Variants in CACNB2 observed in about 807,000 individuals in gnomAD.
The protein encoded by CACNB2 is calcium voltage-gated channel auxiliary subunit beta 2, also known as voltage-dependent L-type calcium channel subunit beta-2.
In CACNB2, 42 loss-of-function variants were observed where a neutral mutation model predicts 73.3. The ratio of observed to expected loss-of-function variants is 0.57; its 90% CI spans 0.45 to 0.74. The LOEUF (loss-of-function observed/expected upper bound fraction) is 0.74, where lower values mean the gene tolerates loss of function less well. CACNB2 is among the 30% of genes least tolerant of loss of function. The pLI, the probability that CACNB2 is intolerant of heterozygous loss-of-function variation, is 0.00. For synonymous variants in CACNB2, 348 were observed against 310.3 expected, an observed-to-expected ratio of 1.12 and a Z score of -1.28; for missense variants, 940 against 853.0, an observed-to-expected ratio of 1.10 and a Z score of -1.27.
intron 3 of CACNB2, among the ~76,000 whole-genome samples, chr10:18,455,928 T>G (rs1420086636): frequency 6.6e-6 from 1 of 152,248 alleles, no homozygotes; most frequent in Non-Finnish European, 1.5e-5. Flanking sequence ...GGATGCTCAC[T>G]GAGGGTGACA....
At chr10:18,258,454 A>G (rs1023274252) in intron 2 of CACNB2, among the ~76,000 whole-genome samples, 2 of 152,148 alleles carry the variant, frequency 1.3e-5, no homozygotes, top group Non-Finnish European at 2.9e-5. Context: ...GAGGCCGGGC[A>G]CGGTGGCTCA....
chr10:18,458,351 A>G (rs2047389337), intron 3 of CACNB2, among the ~76,000 whole-genome samples: 2 of 152,340 alleles, frequency 1.3e-5, no homozygotes, highest in South Asian at 4.1e-4. Context: ...TTCATGTTTT[A>G]CTATTAATTT....
chr10:18,263,615 T>G (rs1333968421), intron 2 of CACNB2, among the ~76,000 whole-genome samples: 1 of 152,226 alleles, frequency 6.6e-6, no homozygotes, highest in Non-Finnish European at 1.5e-5. Context: ...ATGACAGCTT[T>G]CTTAAGAATT....
intron 2 of CACNB2, among the ~76,000 whole-genome samples, chr10:18,348,164 C>G (rs2041547201): frequency 6.6e-6 from 1 of 152,046 alleles, no homozygotes; most frequent in South Asian, 2.1e-4. Flanking sequence ...GATAACATAA[C>G]AAGATAAAAA....
chr10:18,315,496 A>T (rs1382555288), intron 2 of CACNB2, among the ~76,000 whole-genome samples: 3 of 62,864 alleles, frequency 4.8e-5, no homozygotes, highest in African/African-American at 2.1e-4. Flanking sequence ...CCTTGTCTCT[A>T]TTTAAAAAAA....
At chr10:18,152,726 AAAAAAAC>A (rs1173594143) in intron 2 of CACNB2, among the ~76,000 whole-genome samples, 15 of 119,100 alleles carry the variant, frequency 1.3e-4, no homozygotes, top group Admixed American at 2.4e-4. Flanking sequence ...AAAAAAAAAA[AAAAAAAC>A]AAAAAACAAA....
intron 3 of CACNB2, among the ~76,000 whole-genome samples, chr10:18,451,916 A>G (rs964974874): frequency 3.9e-5 from 6 of 152,160 alleles, no homozygotes; most frequent in African/African-American, 1.4e-4. Flanking sequence ...TTCATAATCT[A>G]TTGTGGTATT....
In CACNB2 at chr10:18,140,837, C is replaced by A. The variant is rs755229434; in HGVS notation, c.101C>A (p.Ala34Glu). 1.6e-5 allele frequency: 25 copies of A among 1,602,124 alleles called. No homozygotes were observed. In the South Asian group the frequency reaches 2.1e-4, roughly 14 times the overall value. The change falls in exon 1 of 14, where the codon GCG (alanine) becomes GAG (glutamate). Residue 34 changes from alanine (A) to glutamate (E), a missense_variant. Ala to Glu is a moderately radical substitution (Grantham distance 107). Coordinates refer to ENST00000324631, the MANE Select transcript of CACNB2 (RefSeq NM_201596.3). The part of the protein sequence containing the change: ...ELLENVAPAG[A>E]LGAAAQSYGK... ...CTAGAGAACGTGGCTCCCGCGGGGG[C>A]GCTCGGAGCCGCCGCACAGGTAGCG...
intron 3 of CACNB2, among the ~76,000 whole-genome samples, chr10:18,442,898 C>A (rs567788493): frequency 4.6e-5 from 6 of 131,764 alleles, no homozygotes; most frequent in African/African-American, 1.7e-4. Flanking sequence ...GTTGGGTCTA[C>A]ATGTAAAAAC....
chr10:18,180,910 G>A (rs899281434), intron 2 of CACNB2, among the ~76,000 whole-genome samples: 1 of 149,930 alleles, frequency 6.7e-6, no homozygotes, highest in Non-Finnish European at 1.5e-5. Flanking sequence ...AGGTTGCAGT[G>A]AGCCGAGATC....
chr10:18,192,297 A>G (rs968627713), intron 2 of CACNB2, among the ~76,000 whole-genome samples: 3 of 64,088 alleles, frequency 4.7e-5, no homozygotes, highest in Non-Finnish European at 1.2e-4. Context: ...CATGTATTAT[A>G]ATTCATTGAA....
intron 2 of CACNB2, among the ~76,000 whole-genome samples, chr10:18,368,060 A>G (rs1435296417): frequency 6.6e-6 from 1 of 152,194 alleles, no homozygotes; most frequent in African/African-American, 2.4e-5. Context: ...TCATATGGCC[A>G]GGAGGAAAGA....
chr10:18,540,046 GTTGA>G lies in CACNB2; in HGVS notation c.*324_*327del. ...TGATGTTAGTGTTTTAAGAAATGTA[GTTGA>G]TGTATCCAACAAGCCAGAATCAGCA... On this transcript the variant is annotated 3_prime_UTR_variant, in exon 14 of 14. Transcript: ENST00000324631. 3.6e-6 allele frequency: 1 copy of G among 280,404 alleles called. No individual in the cohort carries two copies. The highest frequency in any genetic ancestry group is 6.8e-6 in the Non-Finnish European group (1 of 146,986). The allele number at this position is 280,404 out of a possible 1,614,324, so 17.4% of individuals were successfully genotyped here.
At chr10:18,527,133 C>G (rs1459845762) in intron 9 of CACNB2, among the ~76,000 whole-genome samples, 1 of 152,012 alleles carries the variant, frequency 6.6e-6, no homozygotes, top group African/African-American at 2.4e-5. Context: ...ATAATCCCAG[C>G]ACTTTGGAAG....
At chr10:18,484,577 T>C (rs1276751206) in intron 3 of CACNB2, among the ~76,000 whole-genome samples, 1 of 152,076 alleles carries the variant, frequency 6.6e-6, no homozygotes. Context: ...AGTGCTCAAA[T>C]TAGTGTGAAC....
At chr10:18,417,130 T>C (rs75724947) in intron 3 of CACNB2, among the ~76,000 whole-genome samples, 2,185 of 151,748 alleles carry the variant, frequency 0.014, 76 homozygotes, top group South Asian at 0.12. Flanking sequence ...TTTTTCTCTT[T>C]AACTATAAAA....
chr10:18,327,655 C>T (rs1373577342), intron 2 of CACNB2, among the ~76,000 whole-genome samples: 2 of 152,164 alleles, frequency 1.3e-5, no homozygotes, highest in Non-Finnish European at 1.5e-5. Flanking sequence ...AACTCCTGAC[C>T]TCAAACAGTC....
At chr10:18,491,188 C>T (rs1225790574) in intron 3 of CACNB2, among the ~76,000 whole-genome samples, 1 of 152,244 alleles carries the variant, frequency 6.6e-6, no homozygotes, top group Admixed American at 6.5e-5. Context: ...ACATTCATAT[C>T]CAAGAATCAG....
At chr10:18,447,541 CTAGAA>C (rs1017368645) in intron 3 of CACNB2, among the ~76,000 whole-genome samples, 1 of 152,098 alleles carries the variant, frequency 6.6e-6, no homozygotes, top group African/African-American at 2.4e-5. Flanking sequence ...TTTCAGCAAA[CTAGAA>C]TAGGACTTTG....
Sources: gnomAD v4.1 joint callset for allele counts (sites outside exome capture counted in the v4.1 genomes callset) on GRCh38, gnomAD v4.1.1 for gene constraint, MANE v1.5 for transcripts, NCBI Gene and HGNC (gene_info 2026-07-23, HGNC 2026-07-21) for gene names.